Variants in QPCT observed in about 807,000 individuals in gnomAD.
The protein encoded by QPCT is EC.
In QPCT, 44 loss-of-function variants were observed where a neutral mutation model predicts 43.4. That is an observed-to-expected ratio of 1.01 (90% CI 0.80 to 1.30). The LOEUF (loss-of-function observed/expected upper bound fraction) is 1.30, where lower values mean the gene tolerates loss of function less well. Ranked by LOEUF, QPCT falls within the 50% of genes most tolerant of loss-of-function variation. The pLI is 0.00. For missense variants in QPCT, 526 were observed against 436.5 expected (o/e 1.21, Z -1.83); for synonymous variants, 168 against 168.4 (o/e 1.00, Z 0.02).
chr2:37,354,982 G>A (rs1672710381), intron 2 of QPCT, among the ~76,000 whole-genome samples: 4 of 152,124 alleles, frequency 2.6e-5, no homozygotes, highest in Non-Finnish European at 5.9e-5. Flanking sequence ...ACAGTATATA[G>A]GATAAATAAT....
At position 37,372,457 on chromosome 2, in the gene QPCT, C is replaced by G. The variant is rs753370184; in HGVS notation, c.925C>G (p.Pro309Ala). 1.1e-5 allele frequency: 18 copies of G among 1,612,284 alleles called. No individual in the cohort carries two copies. The highest frequency in any genetic ancestry group is 5.5e-5 in the South Asian group (5 of 91,026). ...AGGTGTGATTCAGGATGACCATATT[C>G]CATTTTTAAGAAGAGGTAATGTGTG... ...YGGVIQDDHI[P>A]FLRRGVPVLH... Residue 309 changes from proline (P) to alanine (A), a missense_variant, in exon 6 of 7, where the codon CCA becomes GCA. Transcript: ENST00000338415.
At chr2:37,346,758 C>A (rs1319913296) in intron 1 of QPCT, among the ~76,000 whole-genome samples, 2 of 152,116 alleles carry the variant, frequency 1.3e-5, no homozygotes, top group African/African-American at 2.4e-5. Flanking sequence ...ATTCTGTAGA[C>A]CTTCATAAAG....
rs1290865213 is a variant in QPCT at position 37,357,005 on chromosome 2, C to CAA, written c.268-2559_268-2558dup. On this transcript the variant is annotated intron_variant, in intron 2 of 6. Transcript: ENST00000338415. The stretch of plus-strand genomic sequence containing the variant: ...CTGGCGACAGAGTGAGACTCCGTCT[C>CAA]AAAAAAAAAAAAAAAAAGTTGCTTC... Among the ~76,000 whole-genome samples, 301 of 90,650 alleles carry CAA rather than the reference C, an allele frequency of 3.3e-3. 1 individual carries two copies. Among genetic ancestry groups the CAA allele is most frequent in the Middle Eastern group, 0.021 (3 of 140 alleles). 59.5% of individuals were successfully genotyped at this position (90,650 alleles called of 152,430 possible).
In QPCT at chr2:37,367,292, G is replaced by C. The variant is rs1295458724; in HGVS notation, c.607G>C (p.Ala203Pro). Residue 203 changes from alanine to proline, a missense_variant, in exon 4 of 7, where the codon GCT (alanine) becomes CCT (proline). Ala to Pro is a conservative substitution (Grantham distance 27). Coordinates refer to ENST00000338415, the MANE Select transcript of QPCT (RefSeq NM_012413.4). ...LQLIFFDGEE[A>P]FLHWSPQDSL... ...GCTGATCTTCTTTGATGGTGAAGAG[G>C]CTTTTCTTCACTGGTCTCCTCAAGA... 6.2e-7 allele frequency: 1 copy of C among 1,613,886 alleles called. No individual in the cohort carries two copies. The highest frequency in any genetic ancestry group is 8.5e-7 in the Non-Finnish European group (1 of 1,179,826).
Position 37,366,727 on chromosome 2 carries a change from G to T in QPCT, c.547-505G>T, listed in dbSNP as rs551401714. 3.3e-5 allele frequency among the ~76,000 whole-genome samples: 5 copies of T among 152,356 alleles called. No homozygotes were observed. In the East Asian group the frequency reaches 9.6e-4, roughly 29 times the overall value. ...GGACGGAGGAAGAAGTCGAGCTGCAGTGCAGGTTCAACAACGGCCTCAGCC... is the reference window on the plus strand; with the variant it reads ...GGACGGAGGAAGAAGTCGAGCTGCATTGCAGGTTCAACAACGGCCTCAGCC... On this transcript the variant is annotated intron_variant, in intron 3 of 6. Coordinates refer to ENST00000338415, the MANE Select transcript of QPCT (RefSeq NM_012413.4).
chr2:37,347,144 T>TTA (rs10558124), intron 1 of QPCT, among the ~76,000 whole-genome samples: 5 of 55,344 alleles, frequency 9.0e-5, no homozygotes, highest in South Asian at 5.9e-4. Context: ...ATGGGGTGTT[T>TTA]TATATATATA....
At position 37,372,774 on chromosome 2, in the gene QPCT, G is replaced by A; in HGVS notation, c.1033G>A (p.Asp345Asn). ...AGAAAATTTGGATGAATCAACCATT[G>A]ACAATCTAAACAAAATCCTACAAGT... ...NEENLDESTI[D>N]NLNKILQVFV... The change falls in exon 7 of 7, where the codon GAC becomes AAC. Residue 345 changes from aspartate to asparagine, a missense_variant. Asp to Asn is a conservative substitution (Grantham distance 23, BLOSUM62 1). Coordinates refer to ENST00000338415, the MANE Select transcript of QPCT (RefSeq NM_012413.4). The A allele has an allele frequency of 6.2e-7, 1 of 1,613,042 alleles. No individual in the cohort carries two copies. The highest frequency in any genetic ancestry group is 1.1e-5 in the South Asian group (1 of 90,992).
chr2:37,363,074 A>G (rs1672883767), intron 3 of QPCT, among the ~76,000 whole-genome samples: 1 of 152,232 alleles, frequency 6.6e-6, no homozygotes, highest in Non-Finnish European at 1.5e-5. Context: ...TGAGATCTAT[A>G]GTTTCTCTCC....
intron 3 of QPCT, among the ~76,000 whole-genome samples, chr2:37,362,012 C>T (rs769681592): frequency 2.0e-5 from 3 of 152,168 alleles, no homozygotes; most frequent in African/African-American, 7.2e-5. Context: ...GAGCAGGTTG[C>T]CTCATGGGAC....
chr2:37,349,419 G>T (rs1672573596), intron 1 of QPCT, among the ~76,000 whole-genome samples: 1 of 152,160 alleles, frequency 6.6e-6, no homozygotes, highest in Non-Finnish European at 1.5e-5. Context: ...AAAGATGCTT[G>T]GGGGAGGGGG....
intron 4 of QPCT, among the ~76,000 whole-genome samples, chr2:37,369,453 A>G (rs1201925305): frequency 6.6e-6 from 1 of 152,242 alleles, no homozygotes; most frequent in Non-Finnish European, 1.5e-5. Flanking sequence ...TTGGAGTTAC[A>G]TACACAAATA....
At chr2:37,355,735 G>T (rs1672728323) in intron 2 of QPCT, among the ~76,000 whole-genome samples, 1 of 152,046 alleles carries the variant, frequency 6.6e-6, no homozygotes, top group Admixed American at 6.5e-5. Flanking sequence ...TACATTTGGG[G>T]CTATTTCATT....
At chr2:37,368,551 G>T in intron 4 of QPCT, 1 of 470,616 alleles carries the variant, frequency 2.1e-6, no homozygotes. Flanking sequence ...CCCTATAAAA[G>T]TACAAATGGT....
chr2:37,345,793 G>C (rs1468951675), intron 1 of QPCT, among the ~76,000 whole-genome samples: 1 of 140,908 alleles, frequency 7.1e-6, no homozygotes, highest in Non-Finnish European at 1.5e-5. Flanking sequence ...CCGAGATCGC[G>C]CCACTGCGCT....
intron 3 of QPCT, among the ~76,000 whole-genome samples, chr2:37,364,336 T>C (rs1171600729): frequency 6.6e-6 from 1 of 152,112 alleles, no homozygotes; most frequent in Non-Finnish European, 1.5e-5. Context: ...TGCAGGTTGA[T>C]GGTGAGGGGA....
intron 2 of QPCT, among the ~76,000 whole-genome samples, chr2:37,354,507 G>T (rs987087619): frequency 1.3e-5 from 2 of 152,166 alleles, no homozygotes; most frequent in Non-Finnish European, 2.9e-5. Flanking sequence ...TGAGGTATAT[G>T]AATTAACTTG....
intron 3 of QPCT, among the ~76,000 whole-genome samples, chr2:37,362,845 A>T (rs1431015823): frequency 6.6e-6 from 1 of 152,200 alleles, no homozygotes; most frequent in Non-Finnish European, 1.5e-5. Flanking sequence ...GAGTGTTTCT[A>T]AGTCTGTCTA....
chr2:37,365,680 C>G (rs1672945497), intron 3 of QPCT, among the ~76,000 whole-genome samples: 1 of 152,122 alleles, frequency 6.6e-6, no homozygotes, highest in Non-Finnish European at 1.5e-5. Context: ...AGAGCAATGT[C>G]CTTGAGCAGA....
chr2:37,346,116 C>T (rs34763736), intron 1 of QPCT, among the ~76,000 whole-genome samples: 21,589 of 151,988 alleles, frequency 0.14, 2,104 homozygotes, highest in Non-Finnish European at 0.2. Flanking sequence ...GGTAAATGCC[C>T]ACTCCCACCC....
Sources: gnomAD v4.1 joint callset for allele counts (sites outside exome capture counted in the v4.1 genomes callset) on GRCh38, gnomAD v4.1.1 for gene constraint, MANE v1.5 for transcripts, NCBI Gene and HGNC (gene_info 2026-07-23, HGNC 2026-07-21) for gene names.